Variants in DCAF8L2 observed in about 807,000 individuals in gnomAD.
DCAF8L2 encodes the protein DDB1- and CUL4-associated factor 8-like protein 2.
For missense variants in DCAF8L2, 430 were observed against 490.7 expected (o/e 0.88, Z 1.17); for synonymous variants, 200 against 190.9 (o/e 1.05, Z -0.39).
intron 4 of DCAF8L2, among the ~76,000 whole-genome samples, chrX:27,734,956 A>G (rs1481404482): frequency 1.8e-5 from 2 of 111,852 alleles, no homozygotes; most frequent in African/African-American, 6.5e-5. Context: ...AAATTATGCA[A>G]CCAATAGAAA....
chrX:27,590,923 T>C (rs779549692), intron 1 of DCAF8L2, among the ~76,000 whole-genome samples: 170 of 102,521 alleles, frequency 1.7e-3, no homozygotes, highest in Middle Eastern at 5.0e-3. Context: ...GGATTACAGG[T>C]ATGAGCCACC....
chrX:27,476,101 A>G, the DCAF8L2 span, among the ~76,000 whole-genome samples: 2 of 110,823 alleles, frequency 1.8e-5, no homozygotes, highest in East Asian at 5.7e-4. Flanking sequence ...TGGGATAGGG[A>G]GGCGGGTATA....
At chrX:27,622,025 T>TAAAAAAAAAAAAAAAAAAAAA (rs1569163104) in intron 1 of DCAF8L2, among the ~76,000 whole-genome samples, 1 of 108,948 alleles carries the variant, frequency 9.2e-6, no homozygotes, top group African/African-American at 3.4e-5. Context: ...AAGATGTTAG[T>TAAAAAAAAAAAAAAAAAAAAA]AAGAATATAT....
intron 2 of DCAF8L2, among the ~76,000 whole-genome samples, chrX:27,676,737 A>C (rs1166571063): frequency 1.8e-5 from 2 of 111,479 alleles, no homozygotes; most frequent in African/African-American, 6.5e-5. Context: ...TTAACTGGAG[A>C]AAATTATTGT....
At chrX:27,491,594 G>A in the DCAF8L2 span, among the ~76,000 whole-genome samples, 36 of 112,078 alleles carry the variant, frequency 3.2e-4, no homozygotes, top group Admixed American at 6.7e-4. Flanking sequence ...TAGCTTGTCC[G>A]TTTCTGTAAA....
chrX:27,647,857 T>C (rs1462451035), intron 2 of DCAF8L2, among the ~76,000 whole-genome samples: 1 of 111,912 alleles, frequency 8.9e-6, no homozygotes, highest in Non-Finnish European at 1.9e-5. Flanking sequence ...TTTTCTAAAG[T>C]TAACAATGAG....
At chrX:27,480,281 T>TGA in the DCAF8L2 span, among the ~76,000 whole-genome samples, 1 of 112,557 alleles carries the variant, frequency 8.9e-6, no homozygotes, top group Non-Finnish European at 1.9e-5. Context: ...TGAAGAGTTC[T>TGA]GAGAAAATTA....
At chrX:27,473,912 G>A in the DCAF8L2 span, among the ~76,000 whole-genome samples, 2 of 110,847 alleles carry the variant, frequency 1.8e-5, no homozygotes, top group Non-Finnish European at 3.8e-5. Flanking sequence ...TGCTCTGGGC[G>A]TATACTTATG....
chrX:27,581,831 A>C, the DCAF8L2 span, among the ~76,000 whole-genome samples: 2 of 111,730 alleles, frequency 1.8e-5, no homozygotes, highest in Non-Finnish European at 3.8e-5. Context: ...TGATCCGCCC[A>C]CCTCGGCATC....
chrX:27,587,409 G>C (rs1184985383), upstream of DCAF8L2, among the ~76,000 whole-genome samples: 1 of 111,406 alleles, frequency 9.0e-6, no homozygotes, highest in Non-Finnish European at 1.9e-5. Context: ...TTTGAAGAAA[G>C]AATTAGTAGG....
chrX:27,701,098 T>G (rs1931113407), intron 3 of DCAF8L2, among the ~76,000 whole-genome samples: 1 of 111,548 alleles, frequency 9.0e-6, no homozygotes, highest in Non-Finnish European at 1.9e-5. Context: ...CAAACTAAAA[T>G]TCATTTGGAA....
At chrX:27,651,789 C>T (rs1929163593) in intron 2 of DCAF8L2, among the ~76,000 whole-genome samples, 1 of 110,624 alleles carries the variant, frequency 9.0e-6, no homozygotes, top group Non-Finnish European at 1.9e-5. Context: ...GGATTACAGG[C>T]GTGAGCCACC....
chrX:27,609,297 A>G (rs1490340085), intron 1 of DCAF8L2, among the ~76,000 whole-genome samples: 1 of 111,737 alleles, frequency 8.9e-6, no homozygotes, highest in Non-Finnish European at 1.9e-5. Flanking sequence ...AGAATAGTAA[A>G]CAATCCTGGG....
chrX:27,627,536 GTTGTGTGTGTGTGTGTGTGT>G lies in DCAF8L2; in HGVS notation c.-341-4342_-341-4323del, dbSNP rs1443991403. 4 of 41,575 alleles carry G rather than the reference GTTGTGTGTGTGTGTGTGTGT, an allele frequency of 9.6e-5. No homozygotes were observed. In the Admixed American group the frequency reaches 9.6e-4, roughly 10 times the overall value. The allele number at this position is 41,575 out of a possible 1,213,427, so 3.4% of individuals were successfully genotyped here. A position where few individuals can be genotyped will look rare whatever the true frequency, so the allele number is the denominator to read the frequency against. On this transcript the variant is annotated intron_variant, in intron 1 of 4. Transcript: ENST00000451261. ...GTTTCATTGGTTGATTGTTGTTTTTGTTGTGTGTGTGTGTGTGTGTGTGTGTGTGTGTGTGTGTGTGTGTA... is the reference window on the plus strand; with the variant it reads ...GTTTCATTGGTTGATTGTTGTTTTTGGTGTGTGTGTGTGTGTGTGTGTGTA...
At chrX:27,676,617 G>A (rs1432577574) in intron 2 of DCAF8L2, among the ~76,000 whole-genome samples, 2 of 110,444 alleles carry the variant, frequency 1.8e-5, no homozygotes, top group Non-Finnish European at 3.8e-5. Context: ...GTCATTGTCA[G>A]CAGTTTGGTC....
At chrX:27,572,210 A>G in the DCAF8L2 span, among the ~76,000 whole-genome samples, 4 of 111,498 alleles carry the variant, frequency 3.6e-5, no homozygotes, top group African/African-American at 1.3e-4. Flanking sequence ...GGCTGTGGCT[A>G]TAGCTTCTGG....
At chrX:27,567,784 G>A in the DCAF8L2 span, among the ~76,000 whole-genome samples, 1 of 107,898 alleles carries the variant, frequency 9.3e-6, no homozygotes, top group Non-Finnish European at 1.9e-5. Context: ...GTGTATTAGT[G>A]ATTTCAAAGC....
intron 1 of DCAF8L2, among the ~76,000 whole-genome samples, chrX:27,597,374 G>A (rs976948784): frequency 1.8e-5 from 2 of 110,956 alleles, no homozygotes; most frequent in Admixed American, 9.7e-5. Context: ...TTTGAGCATC[G>A]GTTTCACTGT....
chrX:27,697,166 C>A (rs1379174629), intron 3 of DCAF8L2, among the ~76,000 whole-genome samples: 1 of 111,427 alleles, frequency 9.0e-6, no homozygotes, highest in African/African-American at 3.3e-5. Context: ...TAGATTTTCA[C>A]CAGTATGATT....
Sources: allele counts gnomAD v4.1 joint callset (sites outside exome capture counted in the v4.1 genomes callset), GRCh38; gene constraint gnomAD v4.1.1; transcripts MANE v1.5; gene names NCBI Gene and HGNC (gene_info 2026-07-23, HGNC 2026-07-21).